Variants in VAT1L observed in about 807,000 individuals in gnomAD.
VAT1L encodes the protein putative NADPH-dependent quinone oxidoreductase VAT1L.
A neutral mutation model predicts 44.1 loss-of-function variants in VAT1L; 34 were observed. The ratio of observed to expected loss-of-function variants is 0.77; its 90% CI spans 0.59 to 1.03. The LOEUF (loss-of-function observed/expected upper bound fraction) is 1.03, where lower values mean the gene tolerates loss of function less well. Ranked by LOEUF, VAT1L falls within the 50% of genes least tolerant of loss-of-function variation. The pLI is 0.00. For missense variants in VAT1L, 615 were observed against 538.8 expected, an observed-to-expected ratio of 1.14 and a Z score of -1.40; for synonymous variants, 253 against 202.2, an observed-to-expected ratio of 1.25 and a Z score of -2.13.
chr16:77,934,192 G>A (rs1415036406), intron 7 of VAT1L, among the ~76,000 whole-genome samples: 1 of 152,054 alleles, frequency 6.6e-6, no homozygotes, highest in Admixed American at 6.6e-5. Context: ...AAACCAACCA[G>A]ATTTATTGGC....
At chr16:77,888,483 G>C (rs1004446799) in intron 7 of VAT1L, among the ~76,000 whole-genome samples, 1 of 152,220 alleles carries the variant, frequency 6.6e-6, no homozygotes, top group African/African-American at 2.4e-5. Flanking sequence ...GTGAATTAAT[G>C]AATAGATGAA....
In VAT1L at chr16:77,979,219, C is replaced by T. The variant is rs1355494648; in HGVS notation, c.*1524C>T. 2 of 152,462 alleles carry T rather than the reference C, an allele frequency of 1.3e-5. No individual in the cohort carries two copies. The highest frequency in any genetic ancestry group is 2.1e-4 in the South Asian group (1 of 4,822). The allele number at this position is 152,462 out of a possible 1,614,324, so 9.4% of individuals were successfully genotyped here. The stretch of plus-strand genomic sequence containing the variant: ...AGCTTATGATGATGAGTTATGTATG[C>T]CAAATACTTATCTGAAGAGTTTCTC... On this transcript the variant is annotated 3_prime_UTR_variant, in exon 9 of 9. Coordinates refer to ENST00000302536, the MANE Select transcript of VAT1L (RefSeq NM_020927.3).
chr16:77,963,870 C>G (rs1193165759), intron 7 of VAT1L, among the ~76,000 whole-genome samples: 1 of 152,180 alleles, frequency 6.6e-6, no homozygotes, highest in Non-Finnish European at 1.5e-5. Context: ...CAGAGACGAG[C>G]TGTCTCACTA....
rs35017686 is a variant in VAT1L at position 77,975,194 on chromosome 16, C to CTTTTTTTTTTT, written c.1162-2379_1162-2369dup. On this transcript the variant is annotated intron_variant, in intron 8 of 8. Transcript: ENST00000302536. ...GTGCTTTCTCCTACTGGAATGACCACTTTTTTTTTTTTTTTTTTTTTTTTT... is the reference window on the plus strand; with the variant it reads ...GTGCTTTCTCCTACTGGAATGACCACTTTTTTTTTTTTTTTTTTTTTTTTTTTTTTTTTTTT... Among the ~76,000 whole-genome samples, 384 of 39,852 alleles carry CTTTTTTTTTTT rather than the reference C, an allele frequency of 9.6e-3. 47 individuals carry two copies. The highest frequency in any genetic ancestry group is 0.018 in the African/African-American group (166 of 9,414). 26.1% of individuals were successfully genotyped at this position (39,852 alleles called of 152,430 possible).
Position 77,884,673 on chromosome 16 carries a change from T to C in VAT1L, c.948T>C (p.Phe316=). ...AGGAGAACAAAGTCATCGCGGGGTT[T>C]TCCCTTTTAAATCTGCTCTTCAAAC... is the stretch of plus-strand genomic sequence containing the variant. ...LYEENKVIAG[F]SLLNLLFKQG... is the part of the protein sequence containing the mutation. The change falls in exon 7 of 9, where the codon TTT becomes TTC. Residue 316 remains phenylalanine (F), a synonymous_variant. Transcript: ENST00000302536. The surrounding 1 kb of genome is among the most constrained non-coding windows in gnomAD (Gnocchi z 4.5). 6.2e-7 allele frequency: 1 copy of C among 1,613,354 alleles called. No individual in the cohort carries two copies. The highest frequency in any genetic ancestry group is 1.1e-5 in the South Asian group (1 of 90,814).
intron 7 of VAT1L, among the ~76,000 whole-genome samples, chr16:77,912,316 T>A (rs1482874170): frequency 6.6e-6 from 1 of 152,148 alleles, no homozygotes; most frequent in African/African-American, 2.4e-5. Flanking sequence ...TGGGATTGAG[T>A]CTTTCATATA....
At chr16:77,968,656 C>T (rs547944513) in intron 7 of VAT1L, among the ~76,000 whole-genome samples, 1 of 151,594 alleles carries the variant, frequency 6.6e-6, no homozygotes, top group Non-Finnish European at 1.5e-5. Context: ...ACTTGGGAGG[C>T]GGAGCTTGCA....
At chr16:77,848,934 A>G (rs1038974420) in intron 3 of VAT1L, among the ~76,000 whole-genome samples, 1 of 152,188 alleles carries the variant, frequency 6.6e-6, no homozygotes, top group Non-Finnish European at 1.5e-5. Flanking sequence ...GCAAACTAAC[A>G]CAGGAACAGA....
chr16:77,834,851 G>A (rs541674220), intron 3 of VAT1L, among the ~76,000 whole-genome samples: 114 of 152,184 alleles, frequency 7.5e-4, no homozygotes, highest in African/African-American at 2.6e-3. Context: ...GCTTACCACC[G>A]CGAGCAAAAT....
intron 1 of VAT1L, among the ~76,000 whole-genome samples, chr16:77,789,187 G>T: frequency 6.6e-6 from 1 of 152,204 alleles, no homozygotes; most frequent in South Asian, 2.1e-4. Context: ...GGGTCTGGAA[G>T]ATTGCGCTAC....
At chr16:77,898,045 T>A (rs74025071) in intron 7 of VAT1L, among the ~76,000 whole-genome samples, 1 of 152,118 alleles carries the variant, frequency 6.6e-6, no homozygotes, top group African/African-American at 2.4e-5. Context: ...CATGAAGGAA[T>A]CTGTCTCATG....
intron 1 of VAT1L, among the ~76,000 whole-genome samples, chr16:77,789,947 G>C (rs1006078303): frequency 2.6e-5 from 4 of 152,140 alleles, no homozygotes; most frequent in African/African-American, 9.7e-5. Context: ...ACTTGTAAGG[G>C]GAACTTGCTA....
intron 7 of VAT1L, among the ~76,000 whole-genome samples, chr16:77,965,221 CAAAT>C (rs1248836041): frequency 2.0e-5 from 3 of 152,080 alleles, no homozygotes; most frequent in Admixed American, 6.6e-5. Flanking sequence ...AATGACTGAA[CAAAT>C]AAATAAATGA....
chr16:77,833,160 C>A (rs2016598710), intron 3 of VAT1L, among the ~76,000 whole-genome samples: 1 of 152,196 alleles, frequency 6.6e-6, no homozygotes, highest in East Asian at 1.9e-4. Flanking sequence ...CTACTCTGTT[C>A]AAGACATTGA....
At chr16:77,903,167 G>T (rs188183257) in intron 7 of VAT1L, among the ~76,000 whole-genome samples, 2 of 151,856 alleles carry the variant, frequency 1.3e-5, no homozygotes, top group Non-Finnish European at 1.5e-5. Flanking sequence ...ATTAGAATTC[G>T]CCAAGAAACT....
chr16:77,800,654 C>T (rs2016030330), intron 1 of VAT1L: 1 of 152,124 alleles, frequency 6.6e-6, no homozygotes, highest in Non-Finnish European at 1.5e-5. Context: ...AGAATATGTC[C>T]CCATTTTCTC....
chr16:77,826,770 A>T (rs2016528288), intron 3 of VAT1L, among the ~76,000 whole-genome samples: 1 of 152,222 alleles, frequency 6.6e-6, no homozygotes, highest in South Asian at 2.1e-4. Flanking sequence ...TTAATTAAAC[A>T]CATAACATGT....
rs951685938 is a variant in VAT1L, at chr16:77,884,020, G to A, written c.883-588G>A. On this transcript the variant is annotated intron_variant, in intron 6 of 8. Coordinates refer to ENST00000302536, the MANE Select transcript of VAT1L (RefSeq NM_020927.3). The surrounding 1 kb of genome is among the most constrained non-coding windows in gnomAD (Gnocchi z 4.5). ...GCCACGATTCAAGTCCGGAGCTGAT[G>A]ATCCTGACCATGTACTTAATATTTC... Among the ~76,000 whole-genome samples, 5 of 152,140 alleles carry A rather than the reference G, an allele frequency of 3.3e-5. No individual in the cohort carries two copies. The highest frequency in any genetic ancestry group is 7.3e-5 in the Non-Finnish European group (5 of 68,032).
At chr16:77,901,784 C>T (rs2017386406) in intron 7 of VAT1L, among the ~76,000 whole-genome samples, 2 of 152,180 alleles carry the variant, frequency 1.3e-5, no homozygotes, top group Admixed American at 6.5e-5. Context: ...GGGTCACCCT[C>T]ACCCCTAACC....
Sources: gnomAD v4.1 joint callset for allele counts (sites outside exome capture counted in the v4.1 genomes callset) on GRCh38, gnomAD v4.1.1 for gene constraint, Gnocchi (gnomAD v3.1) non-coding constraint, MANE v1.5 for transcripts, NCBI Gene and HGNC (gene_info 2026-07-23, HGNC 2026-07-21) for gene names.